OR8K5: variants seen among roughly 807,000 people sequenced by gnomAD.
OR8K5 encodes olfactory receptor 8K5.
For missense variants in OR8K5, 433 were observed against 363.9 expected (o/e 1.19, Z -1.54); for synonymous variants, 154 against 133.7 (o/e 1.15, Z -1.05).
At position 56,159,659 on chromosome 11, in the gene OR8K5, A is replaced by G. The variant is rs1199073610; in HGVS notation, c.659T>C (p.Leu220Ser). The G allele has an allele frequency of 6.2e-7, 1 of 1,613,940 alleles. No homozygotes were observed. Among genetic ancestry groups the G allele is most frequent in the East Asian group, 2.2e-5 (1 of 44,874 alleles). Residue 220 changes from leucine to serine, a missense_variant, in exon 1 of 1, where the codon TTG becomes TCG. Coordinates refer to ENST00000313447, the MANE Select transcript of OR8K5 (RefSeq NM_001004058.2). ...CATTTGACATATAGCTAACAAAATC[A>G]ACATGTAGGACACTAAGACTATCAG... The part of the protein sequence containing the change: ...SFLIVLVSYM[L>S]ILLAICQMHS...
chr11:56,159,674 A>G lies in OR8K5; in HGVS notation c.644T>C (p.Leu215Ser). 6.2e-7 allele frequency: 1 copy of G among 1,614,006 alleles called. No homozygotes were observed. Among genetic ancestry groups the G allele is most frequent in the Non-Finnish European group, 8.5e-7 (1 of 1,179,836 alleles). The change falls in exon 1 of 1, where the codon TTA (leucine) becomes TCA (serine). Residue 215 changes from leucine (L) to serine (S), a missense_variant. Leu to Ser is a moderately radical substitution (Grantham distance 145). Transcript: ENST00000313447. ...TAACAAAATCAACATGTAGGACACTAAGACTATCAGAAAGGAGGAGATCAA... is the reference window on the plus strand; with the variant it reads ...TAACAAAATCAACATGTAGGACACTGAGACTATCAGAAAGGAGGAGATCAA... ...FNLISSFLIV[L>S]VSYMLILLAI...
Position 56,159,789 on chromosome 11 carries a change from A to G in OR8K5, c.529T>C (p.Phe177Leu). 6.2e-7 allele frequency: 1 copy of G among 1,614,088 alleles called. No individual in the cohort carries two copies. Among genetic ancestry groups the G allele is most frequent in the South Asian group, 1.1e-5 (1 of 91,084 alleles). The stretch of plus-strand genomic sequence containing the variant: ...AGCAAAGGAACATCATCACAGTAAA[A>G]ATGACTGATGACATTAGAGCCACAG... ...TFCGSNVISH[F>L]YCDDVPLLPM... Residue 177 changes from phenylalanine (F) to leucine (L), a missense_variant, in exon 1 of 1, where the codon TTT becomes CTT. Coordinates refer to ENST00000313447, the MANE Select transcript of OR8K5 (RefSeq NM_001004058.2).
rs758245063 is a variant in OR8K5, at chr11:56,160,032, C to CT, written c.285_286insA (p.Ala96SerfsTer16). The CT allele has an allele frequency of 6.2e-7, 1 of 1,614,052 alleles. No homozygotes were observed. The highest frequency in any genetic ancestry group is 8.5e-7 in the Non-Finnish European group (1 of 1,179,974). ...AAGAATGCCAGCTGTGCAGCACATG[C>CT]ATAATAGGAAATAGTATTTCGATCC... On this transcript the variant is annotated frameshift_variant, in exon 1 of 1. Coordinates refer to ENST00000313447, the MANE Select transcript of OR8K5 (RefSeq NM_001004058.2). LOFTEE classifies it low-confidence loss of function (END_TRUNC).
Position 56,159,524 on chromosome 11 carries a change from G to T in OR8K5, c.794C>A (p.Thr265Asn), listed in dbSNP as rs1056859901. 4 of 1,613,914 alleles carry T rather than the reference G, an allele frequency of 2.5e-6. No individual in the cohort carries two copies. Among genetic ancestry groups the T allele is most frequent in the East Asian group, 2.2e-5 (1 of 44,852 alleles). The change falls in exon 1 of 1, where the codon ACT becomes AAT. Residue 265 changes from threonine (T) to asparagine (N), a missense_variant. Physicochemically the swap from Thr to Asn is moderately conservative, Grantham distance 65. Transcript: ENST00000313447. The part of the protein sequence containing the change: ...LLFMYMQPNS[T>N]HFFDTDKMAS... ...CATTTTATCAGTATCAAAGAAGTGA[G>T]TGGAATTGGGCTGCATGTACATGAA... is the stretch of plus-strand genomic sequence containing the variant.
At position 56,159,620 on chromosome 11, in the gene OR8K5, C is replaced by A. The variant is rs1590762441; in HGVS notation, c.698G>T (p.Gly233Val). ...LAICQMHSAE[G>V]RKKAFSTCGS... ...ACATGTGGAGAAAGCCTTTTTCCTGCCCTCTGCAGAATGCATTTGACATAT... is the reference window on the plus strand; with the variant it reads ...ACATGTGGAGAAAGCCTTTTTCCTGACCTCTGCAGAATGCATTTGACATAT... The change falls in exon 1 of 1, where the codon GGC (glycine) becomes GTC (valine). Residue 233 changes from glycine to valine, a missense_variant. By Grantham distance (109) the Gly-to-Val change is moderately radical (BLOSUM62 -3). Transcript: ENST00000313447. 1 of 1,613,920 alleles carries A rather than the reference C, an allele frequency of 6.2e-7. No individual in the cohort carries two copies. The highest frequency in any genetic ancestry group is 8.5e-7 in the Non-Finnish European group (1 of 1,179,856).
In OR8K5 at chr11:56,160,191, G is replaced by A; in HGVS notation, c.127C>T (p.Leu43=). 6.2e-7 allele frequency: 1 copy of A among 1,613,964 alleles called. No homozygotes were observed. Among genetic ancestry groups the A allele is most frequent in the Non-Finnish European group, 8.5e-7 (1 of 1,179,838 alleles). Residue 43 remains leucine (L), a synonymous_variant, in exon 1 of 1, where the codon CTA becomes TTA. Transcript: ENST00000313447. ...VIYLITVVGN[L]TMIILTKLDS... is the part of the protein sequence containing the mutation. ...AGTTTGGTCAAAATGATCATAGTTA[G>A]GTTGCCCACCACTGTGATTAGGTAG...
rs1325442160 is a variant in OR8K5, at chr11:56,159,588, G to A, written c.730C>T (p.His244Tyr). ...TAGAACACAACCACCACTGTCAAAT[G>A]GGAACCACATGTGGAGAAAGCCTTT... ...RKKAFSTCGS[H>Y]LTVVVVFYGS... The change falls in exon 1 of 1, where the codon CAT (histidine) becomes TAT (tyrosine). Residue 244 changes from histidine (H) to tyrosine (Y), a missense_variant. By Grantham distance (83) the His-to-Tyr change is moderately conservative (BLOSUM62 2). Coordinates refer to ENST00000313447, the MANE Select transcript of OR8K5 (RefSeq NM_001004058.2). 1.9e-6 allele frequency: 3 copies of A among 1,613,906 alleles called. No homozygotes were observed. The highest frequency in any genetic ancestry group is 2.2e-5 in the South Asian group (2 of 91,088).
At position 56,159,866 on chromosome 11, in the gene OR8K5, T is replaced by C; in HGVS notation, c.452A>G (p.Tyr151Cys). ...GAACATCAGAGCCTGAAATGTGCTGTAGAGATATTGAATGCCCACCAGTAC... is the reference window on the plus strand; with the variant it reads ...GAACATCAGAGCCTGAAATGTGCTGCAGAGATATTGAATGCCCACCAGTAC... Reference protein sequence around the residue: ...CHVLVGIQYLYSTFQALMFTI... With the variant: ...CHVLVGIQYLCSTFQALMFTI... Residue 151 changes from tyrosine to cysteine, a missense_variant, in exon 1 of 1, where the codon TAC becomes TGC. Physicochemically the swap from Tyr to Cys is radical, Grantham distance 194. Coordinates refer to ENST00000313447, the MANE Select transcript of OR8K5 (RefSeq NM_001004058.2). 6.2e-7 allele frequency: 1 copy of C among 1,613,898 alleles called. No homozygotes were observed. The highest frequency in any genetic ancestry group is 8.5e-7 in the Non-Finnish European group (1 of 1,179,818).
Position 56,159,838 on chromosome 11 carries a change from A to G in OR8K5, c.480T>C (p.Thr160=). The G allele has an allele frequency of 6.2e-7, 1 of 1,614,074 alleles. No homozygotes were observed. The highest frequency in any genetic ancestry group is 1.7e-5 in the Admixed American group (1 of 60,024). ...LYSTFQALMF[T]IKIFTLTFCG... is the part of the protein sequence containing the mutation. ...AGAAGGTCAATGTAAAAATCTTAAT[A>G]GTGAACATCAGAGCCTGAAATGTGC... The change falls in exon 1 of 1, where the codon ACT becomes ACC. Residue 160 remains threonine, a synonymous_variant. Coordinates refer to ENST00000313447, the MANE Select transcript of OR8K5 (RefSeq NM_001004058.2).
rs774741509 is a variant in OR8K5, at chr11:56,159,809, C to A, written c.509G>T (p.Gly170Val). 3 of 1,613,974 alleles carry A rather than the reference C, an allele frequency of 1.9e-6. No individual in the cohort carries two copies. The highest frequency in any genetic ancestry group is 3.3e-4 in the Middle Eastern group (2 of 6,060). Residue 170 changes from glycine (G) to valine (V), a missense_variant, in exon 1 of 1, where the codon GGC (glycine) becomes GTC (valine). Physicochemically the swap from Gly to Val is moderately radical, Grantham distance 109. Transcript: ENST00000313447. ...GTAAAAATGACTGATGACATTAGAGCCACAGAAGGTCAATGTAAAAATCTT... is the reference window on the plus strand; with the variant it reads ...GTAAAAATGACTGATGACATTAGAGACACAGAAGGTCAATGTAAAAATCTT... ...TIKIFTLTFC[G>V]SNVISHFYCD... is the part of the protein sequence containing the mutation.
In OR8K5 at chr11:56,159,924, A is replaced by G. The variant is rs1245929588; in HGVS notation, c.394T>C (p.Tyr132His). 6.2e-7 allele frequency: 1 copy of G among 1,614,026 alleles called. No homozygotes were observed. The highest frequency in any genetic ancestry group is 1.3e-5 in the African/African-American group (1 of 74,936). Residue 132 changes from tyrosine to histidine, a missense_variant, in exon 1 of 1, where the codon TAT becomes CAT. Tyr to His is a moderately conservative substitution (Grantham distance 83). Transcript: ENST00000313447. Reference protein sequence around the residue: ...RYVAICNPLLYYVIMSQRLCH... With the variant: ...RYVAICNPLLHYVIMSQRLCH... Reference sequence around the variant, plus strand: ...AGTCGCTGAGACATAATAACATAATAGAGCAGAGGGTTACAAATGGCCACA... The same window carrying G: ...AGTCGCTGAGACATAATAACATAATGGAGCAGAGGGTTACAAATGGCCACA...
Position 56,159,730 on chromosome 11 carries a change from T to C in OR8K5, c.588A>G (p.Glu196=), listed in dbSNP as rs760134796. 1.9e-6 allele frequency: 3 copies of C among 1,613,584 alleles called. No individual in the cohort carries two copies. The highest frequency in any genetic ancestry group is 2.2e-5 in the East Asian group (1 of 44,870). The change falls in exon 1 of 1, where the codon GAA becomes GAG. Residue 196 remains glutamate (E), a synonymous_variant. Coordinates refer to ENST00000313447, the MANE Select transcript of OR8K5 (RefSeq NM_001004058.2). ...PMLCSNAQEI[E]LLSILFSVFN... is the part of the protein sequence containing the mutation. ...ATACAGAAAATAGTATGCTCAACAATTCTATTTCCTGTGCATTTGAGCAAA... is the reference window on the plus strand; with the variant it reads ...ATACAGAAAATAGTATGCTCAACAACTCTATTTCCTGTGCATTTGAGCAAA...
chr11:56,159,629 G>A lies in OR8K5; in HGVS notation c.689C>T (p.Ser230Phe). ...GAAAGCCTTTTTCCTGCCCTCTGCA[G>A]AATGCATTTGACATATAGCTAACAA... ...LILLAICQMH[S>F]AEGRKKAFST... Residue 230 changes from serine (S) to phenylalanine (F), a missense_variant, in exon 1 of 1, where the codon TCT becomes TTT. By Grantham distance (155) the Ser-to-Phe change is radical (BLOSUM62 -2). Coordinates refer to ENST00000313447, the MANE Select transcript of OR8K5 (RefSeq NM_001004058.2). 2 of 1,613,886 alleles carry A rather than the reference G, an allele frequency of 1.2e-6. No homozygotes were observed. The highest frequency in any genetic ancestry group is 2.2e-5 in the South Asian group (2 of 91,086).
rs1206148096 is a variant in OR8K5 at position 56,159,823 on chromosome 11, T to C, written c.495A>G (p.Thr165=). ...TGACATTAGAGCCACAGAAGGTCAA[T>C]GTAAAAATCTTAATAGTGAACATCA... ...QALMFTIKIF[T]LTFCGSNVIS... is the part of the protein sequence containing the mutation. Residue 165 remains threonine (T), a synonymous_variant, in exon 1 of 1, where the codon ACA becomes ACG. Coordinates refer to ENST00000313447, the MANE Select transcript of OR8K5 (RefSeq NM_001004058.2). The C allele has an allele frequency of 3.1e-6, 5 of 1,613,916 alleles. No individual in the cohort carries two copies. Among genetic ancestry groups the C allele is most frequent in the African/African-American group, 2.7e-5 (2 of 74,904 alleles).
chr11:56,160,167 G>C lies in OR8K5; in HGVS notation c.151C>G (p.Leu51Val). ...GNLTMIILTKLDSHLHTPMYF... is the reference protein window; with the variant it reads ...GNLTMIILTKVDSHLHTPMYF... Reference sequence around the variant, plus strand: ...ATAGGTGTATGTAAGTGGGAGTCCAGTTTGGTCAAAATGATCATAGTTAGG... The same window carrying C: ...ATAGGTGTATGTAAGTGGGAGTCCACTTTGGTCAAAATGATCATAGTTAGG... The change falls in exon 1 of 1, where the codon CTG becomes GTG. Residue 51 changes from leucine to valine, a missense_variant. Leu to Val is a conservative substitution (Grantham distance 32, BLOSUM62 1). Transcript: ENST00000313447. 6.2e-7 allele frequency: 1 copy of C among 1,614,124 alleles called. No individual in the cohort carries two copies. Among genetic ancestry groups the C allele is most frequent in the Non-Finnish European group, 8.5e-7 (1 of 1,179,962 alleles).
Position 56,160,281 on chromosome 11 carries a change from T to A in OR8K5, c.37A>T (p.Ile13Phe), listed in dbSNP as rs1482860641. 10 of 1,613,950 alleles carry A rather than the reference T, an allele frequency of 6.2e-6. No homozygotes were observed. Among genetic ancestry groups the A allele is most frequent in the Non-Finnish European group, 8.5e-6 (10 of 1,179,852 alleles). The change falls in exon 1 of 1, where the codon ATT becomes TTT. Residue 13 changes from isoleucine to phenylalanine, a missense_variant. Coordinates refer to ENST00000313447, the MANE Select transcript of OR8K5 (RefSeq NM_001004058.2). ...GGCCGCCTTGTGAGTTCCATCAGAA[T>A]GAATTCAGTTAGCACTGTTAGATTG... is the stretch of plus-strand genomic sequence containing the variant. ...QHNLTVLTEF[I>F]LMELTRRPEL...
Position 56,159,478 on chromosome 11 carries a change from T to C in OR8K5, c.840A>G (p.Leu280=). 2 of 1,613,836 alleles carry C rather than the reference T, an allele frequency of 1.2e-6. No homozygotes were observed. Among genetic ancestry groups the C allele is most frequent in the Non-Finnish European group, 1.7e-6 (2 of 1,179,778 alleles). ...TDKMASVFYT[L]VIPMLNPLIY... is the part of the protein sequence containing the mutation. ...TCAAAGGGTTAAGCATGGGGATTAC[T>C]AAAGTGTAAAACACAGAAGCCATTT... Residue 280 remains leucine (L), a synonymous_variant, in exon 1 of 1, where the codon TTA becomes TTG. Coordinates refer to ENST00000313447, the MANE Select transcript of OR8K5 (RefSeq NM_001004058.2).
chr11:56,160,204 T>A lies in OR8K5; in HGVS notation c.114A>T (p.Thr38=). The A allele has an allele frequency of 1.9e-6, 3 of 1,614,036 alleles. No individual in the cohort carries two copies. The highest frequency in any genetic ancestry group is 2.5e-6 in the Non-Finnish European group (3 of 1,179,924). Residue 38 remains threonine (T), a synonymous_variant, in exon 1 of 1, where the codon ACA becomes ACT. Transcript: ENST00000313447. The part of the protein sequence containing the change: ...FGVFLVIYLI[T]VVGNLTMIIL... ...TGATCATAGTTAGGTTGCCCACCAC[T>A]GTGATTAGGTAGATGACGAGGAAGA...
In OR8K5 at chr11:56,159,510, T is replaced by A. The variant is rs1300909733; in HGVS notation, c.808A>T (p.Thr270Ser). 1 of 1,613,714 alleles carries A rather than the reference T, an allele frequency of 6.2e-7. No homozygotes were observed. Among genetic ancestry groups the A allele is most frequent in the Non-Finnish European group, 8.5e-7 (1 of 1,179,810 alleles). ...TAAAACACAGAAGCCATTTTATCAGTATCAAAGAAGTGAGTGGAATTGGGC... is the reference window on the plus strand; with the variant it reads ...TAAAACACAGAAGCCATTTTATCAGAATCAAAGAAGTGAGTGGAATTGGGC... ...MQPNSTHFFDTDKMASVFYTL... is the reference protein window; with the variant it reads ...MQPNSTHFFDSDKMASVFYTL... The change falls in exon 1 of 1, where the codon ACT (threonine) becomes TCT (serine). Residue 270 changes from threonine (T) to serine (S), a missense_variant. Thr to Ser is a moderately conservative substitution (Grantham distance 58, BLOSUM62 1). Coordinates refer to ENST00000313447, the MANE Select transcript of OR8K5 (RefSeq NM_001004058.2).
Sources: gnomAD v4.1 joint callset for allele counts on GRCh38, gnomAD v4.1.1 for gene constraint, MANE v1.5 for transcripts, NCBI Gene and HGNC (gene_info 2026-07-23, HGNC 2026-07-21) for gene names.